CERS3: variants seen among roughly 807,000 people sequenced by gnomAD.
The protein encoded by CERS3 is ceramide synthase 3.
Under a neutral mutation model 50.3 loss-of-function variants are expected in CERS3, and 33 were observed. The ratio of observed to expected loss-of-function variants is 0.66; its 90% CI spans 0.50 to 0.88. The LOEUF (loss-of-function observed/expected upper bound fraction) is 0.88. Ranked by LOEUF, CERS3 falls within the 40% of genes least tolerant of loss-of-function variation. CERS3 has a pLI of 0.00. For synonymous variants in CERS3, 176 were observed against 155.2 expected (o/e 1.13, Z -0.99); for missense variants, 470 against 460.3 (o/e 1.02, Z -0.19).
intron 1 of CERS3, among the ~76,000 whole-genome samples, chr15:100,537,950 T>C (rs929035157): frequency 6.6e-6 from 1 of 152,194 alleles, no homozygotes; most frequent in African/African-American, 2.4e-5. Flanking sequence ...CTAGATACAA[T>C]GGTGGTACAG....
At chr15:100,447,253 C>T (rs2033980535) in intron 11 of CERS3, among the ~76,000 whole-genome samples, 2 of 152,200 alleles carry the variant, frequency 1.3e-5, no homozygotes, top group Admixed American at 6.5e-5. Flanking sequence ...TTAATACAGA[C>T]ATTCCTTTCT....
chr15:100,455,011 T>A lies in CERS3; in HGVS notation c.999+882A>T, dbSNP rs375261535. 7.6e-4 allele frequency among the ~76,000 whole-genome samples: 116 copies of A among 152,112 alleles called. 1 individual carries two copies. In the South Asian group the frequency reaches 0.023, roughly 30 times the overall value. On this transcript the variant is annotated intron_variant, in intron 11 of 11. Transcript: ENST00000679737. ...TCAACATCACTAATCATCAGGGAAA[T>A]GTGCAAGTGAAAACTACAATGAGAT...
At chr15:100,439,893 T>C (rs537806436) in intron 11 of CERS3, among the ~76,000 whole-genome samples, 1 of 152,316 alleles carries the variant, frequency 6.6e-6, no homozygotes, top group Non-Finnish European at 1.5e-5. Context: ...AAGGACAACA[T>C]GAGAAATCAG....
At chr15:100,502,916 T>A (rs1157796727) in intron 2 of CERS3, among the ~76,000 whole-genome samples, 4 of 152,096 alleles carry the variant, frequency 2.6e-5, no homozygotes, top group Non-Finnish European at 5.9e-5. Context: ...TTGAGATATC[T>A]TGAACAATAA....
chr15:100,473,757 G>A (rs908589200), intron 8 of CERS3, among the ~76,000 whole-genome samples: 2 of 152,186 alleles, frequency 1.3e-5, no homozygotes, highest in African/African-American at 4.8e-5. Flanking sequence ...CAAAAGATTA[G>A]ACATAGAATT....
intron 11 of CERS3, among the ~76,000 whole-genome samples, chr15:100,411,068 A>G (rs1288995168): frequency 1.3e-5 from 2 of 152,216 alleles, no homozygotes; most frequent in Non-Finnish European, 2.9e-5. Context: ...ATCACACAGT[A>G]TATGTCTTCT....
chr15:100,491,703 G>A (rs570491704), intron 3 of CERS3, among the ~76,000 whole-genome samples: 1 of 152,202 alleles, frequency 6.6e-6, no homozygotes, highest in East Asian at 1.9e-4. Context: ...GTTTGCAGCT[G>A]TAAGTTTCCC....
intron 11 of CERS3, among the ~76,000 whole-genome samples, chr15:100,441,359 T>A (rs1371318189): frequency 6.6e-6 from 1 of 151,728 alleles, no homozygotes; most frequent in Non-Finnish European, 1.5e-5. Context: ...CCCGACCCCT[T>A]ATCTCTGCAC....
At chr15:100,428,685 C>A (rs1287746302) in intron 11 of CERS3, among the ~76,000 whole-genome samples, 1 of 152,244 alleles carries the variant, frequency 6.6e-6, no homozygotes. Context: ...CTGTGCAAGA[C>A]ATTGGAGATA....
intron 11 of CERS3, among the ~76,000 whole-genome samples, chr15:100,439,384 GGTTT>G (rs2033577288): frequency 6.6e-6 from 1 of 152,074 alleles, no homozygotes; most frequent in East Asian, 1.9e-4. Flanking sequence ...AAAACAGGGT[GGTTT>G]GTTTTCCAAA....
intron 2 of CERS3, among the ~76,000 whole-genome samples, chr15:100,503,470 G>T (rs147985716): frequency 6.6e-6 from 1 of 152,244 alleles, no homozygotes; most frequent in African/African-American, 2.4e-5. Flanking sequence ...ATGCTAAGGA[G>T]TTTGGCATTT....
intron 10 of CERS3, among the ~76,000 whole-genome samples, chr15:100,461,980 G>C (rs1256838474): frequency 1.3e-5 from 2 of 151,954 alleles, no homozygotes; most frequent in African/African-American, 4.8e-5. Context: ...AAGAAGACTG[G>C]GAAAAAGAAA....
chr15:100,451,066 C>A (rs2034144847), intron 11 of CERS3, among the ~76,000 whole-genome samples: 1 of 152,086 alleles, frequency 6.6e-6, no homozygotes, highest in African/African-American at 2.4e-5. Flanking sequence ...AGTTCTACAT[C>A]CAGAAGTGAA....
At chr15:100,471,021 G>A (rs1239762565) in intron 9 of CERS3, among the ~76,000 whole-genome samples, 3 of 152,198 alleles carry the variant, frequency 2.0e-5, no homozygotes, top group Admixed American at 2.0e-4. Flanking sequence ...CATGGGCTGT[G>A]CACCCTGGGA....
chr15:100,515,841 A>G (rs552979034), intron 2 of CERS3, among the ~76,000 whole-genome samples: 1 of 152,310 alleles, frequency 6.6e-6, no homozygotes, highest in East Asian at 1.9e-4. Flanking sequence ...TGTTAATCCA[A>G]GGAGCATCTG....
chr15:100,416,857 AG>A (rs2031952843), intron 11 of CERS3, among the ~76,000 whole-genome samples: 1 of 152,208 alleles, frequency 6.6e-6, no homozygotes, highest in South Asian at 2.1e-4. Flanking sequence ...AAAATCTATA[AG>A]GATTCTACAA....
intron 11 of CERS3, among the ~76,000 whole-genome samples, chr15:100,430,417 C>A (rs769020837): frequency 6.6e-6 from 1 of 152,244 alleles, no homozygotes; most frequent in South Asian, 2.1e-4. Context: ...CTCATTTGAA[C>A]TAAATGAACA....
intron 11 of CERS3, among the ~76,000 whole-genome samples, chr15:100,418,250 C>A (rs1039409048): frequency 6.6e-6 from 1 of 152,040 alleles, no homozygotes; most frequent in Non-Finnish European, 1.5e-5. Context: ...GCTGATGGAG[C>A]TGAAAACCAA....
At chr15:100,449,392 A>T (rs1198286253) in intron 11 of CERS3, among the ~76,000 whole-genome samples, 1 of 152,192 alleles carries the variant, frequency 6.6e-6, no homozygotes, top group Non-Finnish European at 1.5e-5. Flanking sequence ...CCAAAGGCCA[A>T]CCTACCTCCT....
Sources: allele counts gnomAD v4.1 joint callset (sites outside exome capture counted in the v4.1 genomes callset), GRCh38; gene constraint gnomAD v4.1.1; transcripts MANE v1.5; gene names NCBI Gene and HGNC (gene_info 2026-07-23, HGNC 2026-07-21).